The following MMP26 variants were observed in gnomAD, a reference collection of about 807,000 sequenced individuals.
The protein encoded by MMP26 is matrix metallopeptidase 26, also known as matrix metalloproteinase-26.
In MMP26, 33 loss-of-function variants were observed where a neutral mutation model predicts 31.0. That is an observed-to-expected ratio of 1.06 (90% CI 0.81 to 1.42). MMP26 has a LOEUF of 1.42. Ranked by LOEUF, MMP26 falls within the 40% of genes most tolerant of loss-of-function variation. MMP26 has a pLI of 0.00. For missense variants in MMP26, 347 were observed against 316.1 expected (o/e 1.10, Z -0.74); for synonymous variants, 122 against 114.9 (o/e 1.06, Z -0.40).
At chr11:4,799,731 T>C (rs77151511) in intron 2 of MMP26, among the ~76,000 whole-genome samples, 1,759 of 152,290 alleles carry the variant, frequency 0.012, 16 homozygotes, top group Middle Eastern at 0.031. Context: ...CAAAACAAGT[T>C]ATTTACTTCC....
chr11:4,899,257 A>G (rs1382508286), intron 2 of MMP26, among the ~76,000 whole-genome samples: 2 of 152,176 alleles, frequency 1.3e-5, no homozygotes, highest in Non-Finnish European at 2.9e-5. Context: ...CTACTCTTGT[A>G]TTACTCAAAT....
intron 2 of MMP26, among the ~76,000 whole-genome samples, chr11:4,934,201 G>T (rs1475489202): frequency 1.4e-5 from 2 of 147,894 alleles, no homozygotes; most frequent in East Asian, 2.0e-4. Flanking sequence ...CAGTGTAAAA[G>T]TGTTCCTGTT....
intron 2 of MMP26, among the ~76,000 whole-genome samples, chr11:4,855,021 C>T (rs1850030358): frequency 6.6e-6 from 1 of 152,180 alleles, no homozygotes; most frequent in Non-Finnish European, 1.5e-5. Flanking sequence ...AGAAGGAAAA[C>T]TAACAAACAT....
intron 1 of MMP26, among the ~76,000 whole-genome samples, chr11:4,746,003 C>A (rs1386556317): frequency 6.6e-5 from 10 of 152,158 alleles, no homozygotes; most frequent in Admixed American, 6.5e-4. Flanking sequence ...TTAACAAGAT[C>A]CTCAAGCAAT....
chr11:4,824,379 A>C (rs1381655815), intron 2 of MMP26, among the ~76,000 whole-genome samples: 1 of 152,104 alleles, frequency 6.6e-6, no homozygotes, highest in African/African-American at 2.4e-5. Context: ...TAGCCTTTCT[A>C]TCCTCTATAA....
At chr11:4,765,942 A>G (rs78952821) in intron 1 of MMP26, among the ~76,000 whole-genome samples, 4,578 of 152,310 alleles carry the variant, frequency 0.03, 90 homozygotes, top group South Asian at 0.097. Flanking sequence ...GTTGTCCAAC[A>G]CTTTTTCTAG....
At chr11:4,715,946 T>C (rs1033064246) in intron 1 of MMP26, among the ~76,000 whole-genome samples, 6 of 152,246 alleles carry the variant, frequency 3.9e-5, no homozygotes, top group African/African-American at 1.2e-4. Flanking sequence ...ACTATCCTGC[T>C]AGGGCTTACC....
intron 2 of MMP26, chr11:4,848,994 A>T: frequency 6.2e-7 from 1 of 1,614,138 alleles, no homozygotes; most frequent in South Asian, 1.1e-5. Context: ...ACTAAGCAAG[A>T]AGAGGAAGAA....
At chr11:4,839,832 G>A (rs1030896270) in intron 2 of MMP26, among the ~76,000 whole-genome samples, 5 of 151,876 alleles carry the variant, frequency 3.3e-5, no homozygotes, top group Non-Finnish European at 5.9e-5. Flanking sequence ...CTCTTGCACC[G>A]TAGGTACCAG....
intron 2 of MMP26, among the ~76,000 whole-genome samples, chr11:4,879,116 C>T (rs535046317): frequency 1.3e-5 from 2 of 151,954 alleles, no homozygotes; most frequent in Non-Finnish European, 2.9e-5. Flanking sequence ...CACTTGTAAT[C>T]CCAGATACTG....
rs56079183 is a variant in MMP26 at position 4,732,541 on chromosome 11, CAAAAAAAAAAA to C, written c.-217+27506_-217+27516del. On this transcript the variant is annotated intron_variant, in intron 1 of 7. Transcript: ENST00000380390. ...CTGGGCAAAAGAGCGAGACTCGTCT[CAAAAAAAAAAA>C]AAAAAAAAAGAAAATTTTCATGAAC... Among the ~76,000 whole-genome samples, 41 of 94,688 alleles carry C rather than the reference CAAAAAAAAAAA, an allele frequency of 4.3e-4. No homozygotes were observed. In the East Asian group the frequency reaches 0.015, roughly 36 times the overall value. 62.1% of individuals were successfully genotyped at this position (94,688 alleles called of 152,430 possible). A position where few individuals can be genotyped will look rare whatever the true frequency, so the allele number is the denominator to read the frequency against.
At chr11:4,882,541 G>A (rs377572471) in intron 2 of MMP26, 209 of 1,613,750 alleles carry the variant, frequency 1.3e-4, no homozygotes, top group Non-Finnish European at 1.6e-4. Context: ...CTGACGTATT[G>A]TTTATTCTTT....
At chr11:4,707,358 C>G (rs1005437557) in intron 1 of MMP26, among the ~76,000 whole-genome samples, 1 of 152,100 alleles carries the variant, frequency 6.6e-6, no homozygotes, top group Non-Finnish European at 1.5e-5. Flanking sequence ...AGTCCTTTGT[C>G]CCTTTTTAAA....
chr11:4,869,170 G>A (rs1352391064), intron 2 of MMP26, among the ~76,000 whole-genome samples: 1 of 152,164 alleles, frequency 6.6e-6, no homozygotes, highest in African/African-American at 2.4e-5. Context: ...AGGACATCAT[G>A]TCTAAAACAC....
chr11:4,804,363 C>A, intron 2 of MMP26: 2 of 1,614,096 alleles, frequency 1.2e-6, no homozygotes, highest in South Asian at 2.2e-5. Flanking sequence ...AAGAGCTGTT[C>A]CCTGAAGCCA....
chr11:4,893,479 C>T (rs988042112), intron 2 of MMP26, among the ~76,000 whole-genome samples: 5 of 152,092 alleles, frequency 3.3e-5, no homozygotes, highest in Admixed American at 6.6e-5. Flanking sequence ...GCTCAAATGC[C>T]CTTTCCACAA....
Position 4,905,143 on chromosome 11 carries a change from C to T in MMP26, c.-144-82925C>T, listed in dbSNP as rs146606347. ...TATTTTATGACTACTGACATGGGAT[C>T]AGAATTGAATTTGCTAAGAAAACAC... On this transcript the variant is annotated intron_variant, in intron 2 of 7. Coordinates refer to ENST00000380390, the MANE Select transcript of MMP26 (RefSeq NM_021801.5). 5.8e-4 allele frequency among the ~76,000 whole-genome samples: 88 copies of T among 152,180 alleles called. 3 individuals are homozygous for T. The East Asian group carries it at 0.017, about 29-fold the overall frequency.
chr11:4,982,790 G>T (rs1262064310), intron 2 of MMP26, among the ~76,000 whole-genome samples: 1 of 152,134 alleles, frequency 6.6e-6, no homozygotes, highest in African/African-American at 2.4e-5. Context: ...GTATGAAAGA[G>T]GTTTGCTCAG....
At chr11:4,854,147 G>A (rs1850014979) in intron 2 of MMP26, among the ~76,000 whole-genome samples, 2 of 152,236 alleles carry the variant, frequency 1.3e-5, no homozygotes, top group South Asian at 4.1e-4. Flanking sequence ...CTCCCAGCAT[G>A]AGTGACACAG....
Sources: gnomAD v4.1 joint callset for allele counts (sites outside exome capture counted in the v4.1 genomes callset) on GRCh38, gnomAD v4.1.1 for gene constraint, MANE v1.5 for transcripts, NCBI Gene and HGNC (gene_info 2026-07-23, HGNC 2026-07-21) for gene names.